Variants in MAP4 observed in about 807,000 individuals in gnomAD.
The protein encoded by MAP4 is microtubule-associated protein 4.
A neutral mutation model predicts 170.2 loss-of-function variants in MAP4; 76 were observed. The ratio of observed to expected loss-of-function variants is 0.45; its 90% CI spans 0.37 to 0.54. The LOEUF is 0.54. Ranked by LOEUF, MAP4 falls within the 20% of genes least tolerant of loss-of-function variation. The pLI, the probability that MAP4 is intolerant of heterozygous loss-of-function variation, is 0.00. For missense variants in MAP4, 2,506 were observed against 2,748.0 expected, an observed-to-expected ratio of 0.91 and a Z score of 1.97; for synonymous variants, 909 against 994.5, an observed-to-expected ratio of 0.91 and a Z score of 1.62.
chr3:48,029,998 A>T (rs35790549), intron 1 of MAP4, among the ~76,000 whole-genome samples: 42,844 of 147,054 alleles, frequency 0.29, 6,756 homozygotes, highest in African/African-American at 0.41. Context: ...CAAAAAAAAA[A>T]ATATATATAT....
intron 1 of MAP4, among the ~76,000 whole-genome samples, chr3:48,071,148 A>G (rs1341669470): frequency 6.6e-6 from 1 of 152,216 alleles, no homozygotes; most frequent in Non-Finnish European, 1.5e-5. Context: ...CAAATGGGTC[A>G]GATACTGCCC....
intron 10 of MAP4, among the ~76,000 whole-genome samples, chr3:47,885,971 G>A (rs1350417425): frequency 1.3e-5 from 2 of 152,030 alleles, no homozygotes; most frequent in Non-Finnish European, 2.9e-5. Flanking sequence ...CTCATGATCC[G>A]CCCGCCTCGG....
chr3:47,977,187 C>T (rs2100082654), intron 3 of MAP4, among the ~76,000 whole-genome samples: 1 of 152,150 alleles, frequency 6.6e-6, no homozygotes, highest in Non-Finnish European at 1.5e-5. Context: ...ATAAAACACG[C>T]AACTCTCACA....
chr3:48,087,160 A>T lies in MAP4; in HGVS notation c.-20+1613T>A, dbSNP rs1176065450. Among the ~76,000 whole-genome samples the T allele has an allele frequency of 3.3e-5, 5 of 152,250 alleles. No homozygotes were observed. The East Asian group carries it at 9.6e-4, about 29-fold the overall frequency. On this transcript the variant is annotated intron_variant, in intron 1 of 18. Coordinates refer to the MAP4 transcript ENST00000360240. ...GAAAACATTTCATTTGAAAAGTAGT[A>T]GTACGGATCAGCAAACTACGTTAAT... is the stretch of plus-strand genomic sequence containing the variant.
chr3:47,951,684 T>G (rs1283415446), intron 3 of MAP4, among the ~76,000 whole-genome samples: 1 of 152,144 alleles, frequency 6.6e-6, no homozygotes, highest in South Asian at 2.1e-4. Context: ...TGCAGTGGCG[T>G]GATCTCGGCT....
At chr3:47,902,805 C>T (rs948560697) in intron 10 of MAP4, 145 bp downstream of exon 10, 1 of 188,610 alleles carries the variant, frequency 5.3e-6, no homozygotes, top group Non-Finnish European at 9.8e-6. Context: ...GGTACTTCTC[C>T]AGTTGTAAAA....
chr3:48,050,011 G>A (rs1373263161), intron 1 of MAP4, among the ~76,000 whole-genome samples: 1 of 151,546 alleles, frequency 6.6e-6, no homozygotes, highest in African/African-American at 2.4e-5. Flanking sequence ...TGTAATCCCA[G>A]CAATTTGGGA....
chr3:48,085,049 ATACT>A (rs1287674268), intron 1 of MAP4, among the ~76,000 whole-genome samples: 1 of 152,098 alleles, frequency 6.6e-6, no homozygotes, highest in African/African-American at 2.4e-5. Context: ...GAAATCACTG[ATACT>A]TACTTGGTTT....
At chr3:47,966,265 T>TTTG (rs2100074948) in intron 3 of MAP4, among the ~76,000 whole-genome samples, 13 of 116,988 alleles carry the variant, frequency 1.1e-4, no homozygotes, top group African/African-American at 4.1e-4. Flanking sequence ...TTTTTTTTTT[T>TTTG]GAGACAGAGT....
chr3:47,990,296 G>A (rs371253997), intron 2 of MAP4, among the ~76,000 whole-genome samples: 4 of 152,138 alleles, frequency 2.6e-5, no homozygotes, highest in African/African-American at 9.7e-5. Flanking sequence ...CACCTATTAT[G>A]GCTTGTTAAA....
intron 2 of MAP4, among the ~76,000 whole-genome samples, chr3:47,985,027 C>T (rs1300122214): frequency 1.3e-5 from 2 of 152,090 alleles, no homozygotes; most frequent in East Asian, 3.9e-4. Context: ...TGCCTGTAAT[C>T]CCAGCACTTT....
chr3:47,898,993 T>TG (rs2100028576), intron 10 of MAP4, among the ~76,000 whole-genome samples: 1 of 152,118 alleles, frequency 6.6e-6, no homozygotes, highest in African/African-American at 2.4e-5. Flanking sequence ...ACCCTGAGAA[T>TG]GGCCAGTTCA....
At chr3:47,945,957 T>C (rs2100059591) in intron 3 of MAP4, among the ~76,000 whole-genome samples, 1 of 151,368 alleles carries the variant, frequency 6.6e-6, no homozygotes, top group Non-Finnish European at 1.5e-5. Flanking sequence ...TTTTTTGAGA[T>C]GGAGTCTTGC....
At chr3:47,912,624 T>A (rs2153539469) in intron 8 of MAP4, among the ~76,000 whole-genome samples, 1 of 152,366 alleles carries the variant, frequency 6.6e-6, no homozygotes, top group East Asian at 1.9e-4. Flanking sequence ...AGCAAAAATA[T>A]TTAACAGATC....
At chr3:48,033,931 C>T (rs759249938) in intron 1 of MAP4, among the ~76,000 whole-genome samples, 2 of 152,112 alleles carry the variant, frequency 1.3e-5, no homozygotes, top group Non-Finnish European at 2.9e-5. Context: ...ATGCACTAAT[C>T]CAAATGTAGA....
intron 10 of MAP4, among the ~76,000 whole-genome samples, chr3:47,878,896 G>A (rs2096086796): frequency 6.6e-6 from 1 of 152,148 alleles, no homozygotes; most frequent in African/African-American, 2.4e-5. Flanking sequence ...AATAACTACT[G>A]AGAATAATAT....
At chr3:47,991,784 T>C (rs1171279071) in intron 2 of MAP4, among the ~76,000 whole-genome samples, 1 of 151,916 alleles carries the variant, frequency 6.6e-6, no homozygotes, top group Non-Finnish European at 1.5e-5. Context: ...TACTCTTGCC[T>C]CAGCCTCCTG....
chr3:48,020,217 C>T (rs2100109887), upstream of MAP4, among the ~76,000 whole-genome samples: 1 of 152,138 alleles, frequency 6.6e-6, no homozygotes. Context: ...GTGTGTCCCA[C>T]CCAGAGTTCC....
chr3:48,046,349 C>T (rs1407543097), intron 1 of MAP4, among the ~76,000 whole-genome samples: 6 of 152,102 alleles, frequency 3.9e-5, no homozygotes, highest in South Asian at 4.1e-4. Flanking sequence ...GTACTTTATA[C>T]GATTATTCAC....
Sources: allele counts gnomAD v4.1 joint callset (sites outside exome capture counted in the v4.1 genomes callset), GRCh38; gene constraint gnomAD v4.1.1; transcripts MANE v1.5; gene names NCBI Gene and HGNC (gene_info 2026-07-23, HGNC 2026-07-21).